The following DPP4 variants were observed in gnomAD, a reference collection of about 807,000 sequenced individuals.
DPP4 encodes ADCP-2.
In DPP4, 93 loss-of-function variants were observed where a neutral mutation model predicts 122.4. The observed-to-expected ratio is 0.76, with a 90% CI of 0.64 to 0.90. DPP4 has a LOEUF of 0.90. Among genes scored for constraint, DPP4 ranks in the 40% least tolerant of loss-of-function variants. DPP4 has a pLI of 0.00. For synonymous variants in DPP4, 321 were observed against 302.9 expected, an observed-to-expected ratio of 1.06 and a Z score of -0.62; for missense variants, 914 against 907.3, an observed-to-expected ratio of 1.01 and a Z score of -0.09.
In DPP4 at chr2:162,068,436, C is replaced by T. The variant is rs557788199; in HGVS notation, c.94+4963G>A. 9.8e-5 allele frequency among the ~76,000 whole-genome samples: 15 copies of T among 152,312 alleles called. No homozygotes were observed. The South Asian group carries it at 1.7e-3, about 17-fold the overall frequency. ...GTGGAACTTTGAGCAAGTTCCTTAACTTCTTTGATAGTCATTGGAGCCAGC... is the reference window on the plus strand; with the variant it reads ...GTGGAACTTTGAGCAAGTTCCTTAATTTCTTTGATAGTCATTGGAGCCAGC... On this transcript the variant is annotated intron_variant, in intron 2 of 25. Coordinates refer to ENST00000360534, the MANE Select transcript of DPP4 (RefSeq NM_001935.4).
At chr2:162,002,691 GGAGA>G (rs905276034) in intron 23 of DPP4, among the ~76,000 whole-genome samples, 3 of 151,734 alleles carry the variant, frequency 2.0e-5, no homozygotes, top group Non-Finnish European at 4.4e-5. Flanking sequence ...GAGAGAGAGA[GGAGA>G]GAGAGAGGAG....
Position 162,008,560 on chromosome 2 carries a change from A to G in DPP4, c.1987+2T>C. 6.2e-7 allele frequency: 1 copy of G among 1,613,010 alleles called. No individual in the cohort carries two copies. Among genetic ancestry groups the G allele is most frequent in the Non-Finnish European group, 8.5e-7 (1 of 1,179,208 alleles). Reference sequence around the variant, plus strand: ...TCTTTGTACCTGGCAGCAATTACATACCATAGTACTCCCACCGGGATACAG... The same window carrying G: ...TCTTTGTACCTGGCAGCAATTACATGCCATAGTACTCCCACCGGGATACAG... On this transcript the variant is annotated splice_donor_variant, in intron 22 of 25. Coordinates refer to ENST00000360534, the MANE Select transcript of DPP4 (RefSeq NM_001935.4). LOFTEE classifies it high-confidence loss of function.
chr2:161,994,734 T>A (rs1700954827), intron 25 of DPP4, among the ~76,000 whole-genome samples: 1 of 152,178 alleles, frequency 6.6e-6, no homozygotes, highest in African/African-American at 2.4e-5. Flanking sequence ...GTCTTGATAC[T>A]CCCAGCATAT....
chr2:162,073,726 G>GGTTCGGGCGTGC, intron 1 of DPP4: 2 of 676,898 alleles, frequency 3.0e-6, no homozygotes, highest in South Asian at 3.9e-5. Context: ...CCCCTGCCCG[G>GGTTCGGGCGTGC]GTTCGGGCGT....
At chr2:162,059,931 A>G (rs1305356697) in intron 2 of DPP4, among the ~76,000 whole-genome samples, 1 of 152,250 alleles carries the variant, frequency 6.6e-6, no homozygotes, top group Non-Finnish European at 1.5e-5. Flanking sequence ...GGGTTGTTCT[A>G]GGCAATGTAG....
chr2:162,019,322 G>T (rs1217502456), intron 14 of DPP4, 46 bp from the exon 15 acceptor site: 3 of 1,332,348 alleles, frequency 2.3e-6, no homozygotes, highest in Non-Finnish European at 3.1e-6. Context: ...TGTTTTTTAA[G>T]AAGTCAGAGG....
At chr2:162,032,709 CA>C (rs113610682) in intron 10 of DPP4, among the ~76,000 whole-genome samples, 2,894 of 68,122 alleles carry the variant, frequency 0.042, 36 homozygotes, top group East Asian at 0.19. Flanking sequence ...ACAACAACAA[CA>C]AAAAAAAAAA....
intron 7 of DPP4, 81 bp downstream of exon 7, chr2:162,038,867 CT>C: frequency 8.1e-7 from 1 of 1,227,580 alleles, no homozygotes; most frequent in Non-Finnish European, 1.2e-6. Context: ...CCTAAGATGT[CT>C]GCTTTGTATC....
At chr2:162,054,075 C>T (rs967051322) in intron 2 of DPP4, among the ~76,000 whole-genome samples, 4 of 152,094 alleles carry the variant, frequency 2.6e-5, no homozygotes, top group Non-Finnish European at 4.4e-5. Flanking sequence ...CAACCCCCAC[C>T]CTAGCATGTC....
Position 162,074,013 on chromosome 2 carries a change from A to C in DPP4, c.-32T>G. 1.2e-6 allele frequency: 2 copies of C among 1,609,372 alleles called. No homozygotes were observed. The highest frequency in any genetic ancestry group is 1.7e-6 in the Non-Finnish European group (2 of 1,178,146). On this transcript the variant is annotated 5_prime_UTR_variant, in exon 1 of 26. Transcript: ENST00000360534. ...CGTCTCCTCGGAAGTGAGCGTTCAG[A>C]GAAGGAGCGCAGGCAGAAGTCACCG... is the stretch of plus-strand genomic sequence containing the variant.
At chr2:161,996,679 T>TGA (rs906909890) in intron 23 of DPP4, among the ~76,000 whole-genome samples, 1 of 152,090 alleles carries the variant, frequency 6.6e-6, no homozygotes, top group Non-Finnish European at 1.5e-5. Flanking sequence ...TAAGATATTT[T>TGA]GAGAGAGAGA....
intron 2 of DPP4, among the ~76,000 whole-genome samples, chr2:162,069,229 T>C (rs1251689337): frequency 6.6e-6 from 1 of 152,322 alleles, no homozygotes; most frequent in East Asian, 1.9e-4. Flanking sequence ...AAGGATTAAA[T>C]GAAAAATACA....
intron 10 of DPP4, among the ~76,000 whole-genome samples, chr2:162,030,151 C>G (rs1683491351): frequency 6.6e-6 from 1 of 152,218 alleles, no homozygotes; most frequent in African/African-American, 2.4e-5. Flanking sequence ...TATGATTTTA[C>G]ATTATGTGCT....
intron 23 of DPP4, among the ~76,000 whole-genome samples, chr2:162,001,653 C>T (rs1701152194): frequency 6.6e-6 from 1 of 152,204 alleles, no homozygotes; most frequent in African/African-American, 2.4e-5. Flanking sequence ...TGACTGACCA[C>T]ATGAGAGACC....
In DPP4 at chr2:162,074,196, C is replaced by A; in HGVS notation, c.-215G>T. 3 of 1,231,600 alleles carry A rather than the reference C, an allele frequency of 2.4e-6. No individual in the cohort carries two copies. Among genetic ancestry groups the A allele is most frequent in the East Asian group, 3.2e-5 (1 of 30,930 alleles). The allele number at this position is 1,231,600 out of a possible 1,614,324, so 76.3% of individuals were successfully genotyped here. On this transcript the variant is annotated 5_prime_UTR_variant, in exon 1 of 26. Transcript: ENST00000360534. ...GCAGGGCAGGCGGCGCGGGAGCAGG[C>A]GCGCGTGGCGCGGGGCACTGGCATC...
At chr2:162,020,776 C>A in intron 12 of DPP4, 88 bp from the exon 13 acceptor site, 3 of 797,796 alleles carry the variant, frequency 3.8e-6, no homozygotes, top group Non-Finnish European at 5.8e-6. Flanking sequence ...TGTCCAATAC[C>A]TACGCTCAAA....
At chr2:162,072,417 G>C (rs1305468196) in intron 2 of DPP4, among the ~76,000 whole-genome samples, 1 of 152,174 alleles carries the variant, frequency 6.6e-6, no homozygotes, top group Non-Finnish European at 1.5e-5. Flanking sequence ...TTTAACCTTT[G>C]GCACATTTGC....
chr2:162,012,359 T>A (rs761320108), intron 19 of DPP4, among the ~76,000 whole-genome samples: 29 of 152,102 alleles, frequency 1.9e-4, no homozygotes. Flanking sequence ...GCTTTGGATA[T>A]CTTTCCATCT....
rs770256836 is a variant in DPP4, at chr2:162,020,212, A to G, written c.1244+17T>C. The G allele has an allele frequency of 6.3e-7, 1 of 1,598,280 alleles. No homozygotes were observed. Among genetic ancestry groups the G allele is most frequent in the East Asian group, 2.2e-5 (1 of 44,688 alleles). ...TGACAAGTAGGTTTATATCCTATCAATTGTTACAATACTCACAGATAATCA... is the reference window on the plus strand; with the variant it reads ...TGACAAGTAGGTTTATATCCTATCAGTTGTTACAATACTCACAGATAATCA... On this transcript the variant is annotated intron_variant, in intron 14 of 25. Coordinates refer to ENST00000360534, the MANE Select transcript of DPP4 (RefSeq NM_001935.4).
Sources: gnomAD v4.1 joint callset for allele counts (sites outside exome capture counted in the v4.1 genomes callset) on GRCh38, gnomAD v4.1.1 for gene constraint, MANE v1.5 for transcripts, NCBI Gene and HGNC (gene_info 2026-07-23, HGNC 2026-07-21) for gene names.